Variants in ACSS3 observed in about 807,000 individuals in gnomAD.
The protein encoded by ACSS3 is acyl-CoA synthetase short-chain family member 3, mitochondrial.
Under a neutral mutation model 84.2 loss-of-function variants are expected in ACSS3, and 64 were observed. That is an observed-to-expected ratio of 0.76 (90% CI 0.62 to 0.94). The LOEUF is 0.94. Among genes scored for constraint, ACSS3 ranks in the 40% least tolerant of loss-of-function variants. The pLI is 0.00. For missense variants in ACSS3, 815 were observed against 867.6 expected (o/e 0.94, Z 0.76); for synonymous variants, 317 against 310.1 (o/e 1.02, Z -0.23).
In ACSS3 at chr12:81,078,215, C is replaced by T. The variant is rs1051819456; in HGVS notation, c.95C>T (p.Ala32Val). 1.9e-6 allele frequency: 3 copies of T among 1,579,732 alleles called. No individual in the cohort carries two copies. Among genetic ancestry groups the T allele is most frequent in the African/African-American group, 1.4e-5 (1 of 73,482 alleles). The change falls in exon 1 of 16, where the codon GCG becomes GTG. Residue 32 changes from alanine (A) to valine (V), a missense_variant. Ala to Val is a moderately conservative substitution (Grantham distance 64). Transcript: ENST00000548058. ...TCCTCTCCGGCCCGGGGAGCCGGTG[C>T]GGCCCTCAGGGCTTTAGTGGTCCCG... ...PGSSPARGAG[A>V]ALRALVVPGP... is the part of the protein sequence containing the mutation.
intron 12 of ACSS3, 96 bp from the exon 13 acceptor site, chr12:81,233,253 A>C: frequency 1.4e-6 from 2 of 1,389,574 alleles, no homozygotes; most frequent in Admixed American, 4.2e-5. Flanking sequence ...TTCACAGTAA[A>C]TCCATTTCTA....
At chr12:81,124,110 T>C (rs1884874018) in intron 2 of ACSS3, among the ~76,000 whole-genome samples, 2 of 152,192 alleles carry the variant, frequency 1.3e-5, no homozygotes, top group South Asian at 4.1e-4. Context: ...CCACAAACTG[T>C]GTGTATGTGT....
chr12:81,236,331 G>T (rs1030913220), intron 13 of ACSS3, among the ~76,000 whole-genome samples: 2 of 151,226 alleles, frequency 1.3e-5, no homozygotes, highest in African/African-American at 4.8e-5. Flanking sequence ...ATGAATTACT[G>T]TTTTTATACA....
chr12:81,165,959 A>G (rs1223516024), intron 7 of ACSS3, among the ~76,000 whole-genome samples: 1 of 152,220 alleles, frequency 6.6e-6, no homozygotes, highest in Non-Finnish European at 1.5e-5. Context: ...TGTTTTAATT[A>G]TAAGTACAAA....
intron 5 of ACSS3, among the ~76,000 whole-genome samples, chr12:81,147,886 CAA>C (rs1427788022): frequency 6.6e-6 from 1 of 151,428 alleles, no homozygotes; most frequent in Non-Finnish European, 1.5e-5. Flanking sequence ...CACACACACA[CAA>C]ACGCACACAT....
chr12:81,201,407 C>A (rs1269868626), intron 9 of ACSS3, among the ~76,000 whole-genome samples: 1 of 152,186 alleles, frequency 6.6e-6, no homozygotes, highest in Admixed American at 6.5e-5. Flanking sequence ...CTGAAGAAAA[C>A]TAGCACATTC....
At chr12:81,119,358 C>T (rs1348366140) in intron 2 of ACSS3, among the ~76,000 whole-genome samples, 1 of 152,088 alleles carries the variant, frequency 6.6e-6, no homozygotes, top group Non-Finnish European at 1.5e-5. Flanking sequence ...TTCAGCTGTG[C>T]ATGTATTGTC....
intron 7 of ACSS3, among the ~76,000 whole-genome samples, chr12:81,165,368 G>A (rs34605308): frequency 0.31 from 46,942 of 152,100 alleles, 8,887 homozygotes; most frequent in Middle Eastern, 0.44. Flanking sequence ...TACAGAGGCC[G>A]GGCGCAGTGG....
chr12:81,082,709 A>G (rs1052112808), intron 1 of ACSS3, among the ~76,000 whole-genome samples: 3 of 152,246 alleles, frequency 2.0e-5, no homozygotes, highest in Non-Finnish European at 4.4e-5. Flanking sequence ...GTCAGGTAAT[A>G]CATGACCAAA....
At chr12:81,131,918 A>G (rs1480262345) in intron 2 of ACSS3, among the ~76,000 whole-genome samples, 1 of 151,960 alleles carries the variant, frequency 6.6e-6, no homozygotes, top group Non-Finnish European at 1.5e-5. Flanking sequence ...TGTTTATGTG[A>G]TGGATTACGT....
chr12:81,185,373 A>C (rs1403265123), intron 8 of ACSS3, among the ~76,000 whole-genome samples: 1 of 151,682 alleles, frequency 6.6e-6, no homozygotes, highest in Non-Finnish European at 1.5e-5. Flanking sequence ...AAAGAAATTA[A>C]ATGTATCTAA....
At chr12:81,189,494 C>T (rs1258948215) in intron 8 of ACSS3, among the ~76,000 whole-genome samples, 3 of 151,992 alleles carry the variant, frequency 2.0e-5, no homozygotes, top group East Asian at 3.9e-4. Context: ...ATTTTTTGGC[C>T]ATTGGAAGGT....
At position 81,244,513 on chromosome 12, in the gene ACSS3, A is replaced by G. The variant is rs185598237; in HGVS notation, c.1720-8794A>G. Among the ~76,000 whole-genome samples the G allele has an allele frequency of 2.5e-3, 371 of 150,964 alleles. 1 individual carries two copies. Among genetic ancestry groups the G allele is most frequent in the Non-Finnish European group, 4.8e-3 (326 of 67,698 alleles). ...ATTATGTGTTTGTTACAGCTTTTCT[A>G]TTTGTTTTGAAGTTCTTGGATATTT... is the stretch of plus-strand genomic sequence containing the variant. On this transcript the variant is annotated intron_variant, in intron 13 of 15. Transcript: ENST00000548058.
chr12:81,181,768 A>AAAAAAAAAAG (rs1555178623), intron 8 of ACSS3, among the ~76,000 whole-genome samples: 4 of 143,610 alleles, frequency 2.8e-5, no homozygotes, highest in Non-Finnish European at 6.2e-5. Flanking sequence ...AAAAAAAAAA[A>AAAAAAAAAAG]GCAATAGAGA....
Position 81,231,082 on chromosome 12 carries a change from T to G in ACSS3, c.1540T>G (p.Ser514Ala). The change falls in exon 12 of 16, where the codon TCA (serine) becomes GCA (alanine). Residue 514 changes from serine to alanine, a missense_variant. Transcript: ENST00000548058. ...GTTACCATTGCCACCTGGGGCTTTT[T>G]CAGGACTCTGGAAGAATCAGGAAGC... Reference protein sequence around the residue: ...VKLPLPPGAFSGLWKNQEAFK... With the variant: ...VKLPLPPGAFAGLWKNQEAFK... The G allele has an allele frequency of 1.2e-6, 2 of 1,611,038 alleles. No homozygotes were observed. The highest frequency in any genetic ancestry group is 1.7e-6 in the Non-Finnish European group (2 of 1,178,236).
chr12:81,098,957 T>C (rs1239287842), intron 1 of ACSS3, among the ~76,000 whole-genome samples: 2 of 152,222 alleles, frequency 1.3e-5, no homozygotes, highest in African/African-American at 4.8e-5. Flanking sequence ...GGAGAACATG[T>C]TCCCAGTTAT....
intron 2 of ACSS3, among the ~76,000 whole-genome samples, chr12:81,117,021 C>T (rs993781231): frequency 6.6e-6 from 1 of 152,064 alleles, no homozygotes; most frequent in Admixed American, 6.6e-5. Flanking sequence ...GAAATCTGGT[C>T]CATGGCTTTT....
At chr12:81,167,568 G>C (rs1565701041) in intron 7 of ACSS3, among the ~76,000 whole-genome samples, 1 of 152,098 alleles carries the variant, frequency 6.6e-6, no homozygotes. Flanking sequence ...CTCCAGAGAG[G>C]AGGACCATGT....
chr12:81,167,595 A>G (rs774321541), intron 7 of ACSS3, among the ~76,000 whole-genome samples: 18 of 152,200 alleles, frequency 1.2e-4, no homozygotes, highest in Non-Finnish European at 2.5e-4. Flanking sequence ...ACATGGCAGA[A>G]GAACAGAAGG....
Sources: gnomAD v4.1 joint callset for allele counts (sites outside exome capture counted in the v4.1 genomes callset) on GRCh38, gnomAD v4.1.1 for gene constraint, MANE v1.5 for transcripts, NCBI Gene and HGNC (gene_info 2026-07-23, HGNC 2026-07-21) for gene names.